AGAP1: variants seen among roughly 807,000 people sequenced by gnomAD.
AGAP1 encodes the protein ArfGAP with GTPase domain, ankyrin repeat and PH domain 1.
In AGAP1, 29 loss-of-function variants were observed where a neutral mutation model predicts 105.3. The ratio of observed to expected loss-of-function variants is 0.28; its 90% CI spans 0.21 to 0.38. AGAP1 has a LOEUF of 0.38. AGAP1 is among the 10% of genes least tolerant of loss of function. The pLI is 1.00. For missense variants in AGAP1, 998 were observed against 1,165.1 expected (o/e 0.86, Z 2.09); for synonymous variants, 509 against 485.9 (o/e 1.05, Z -0.63).
At chr2:235,898,861 A>G (rs2050931318) in intron 10 of AGAP1, among the ~76,000 whole-genome samples, 1 of 152,192 alleles carries the variant, frequency 6.6e-6, no homozygotes, top group Non-Finnish European at 1.5e-5. Context: ...ACCAAGAGAA[A>G]GTCAACTTTT....
At chr2:236,102,417 CAAA>C (rs34989933) in intron 16 of AGAP1, among the ~76,000 whole-genome samples, 30 of 66,236 alleles carry the variant, frequency 4.5e-4, no homozygotes, top group Admixed American at 1.0e-3. Context: ...GACTCCATCT[CAAA>C]AAAAAAAAAA....
intron 2 of AGAP1, among the ~76,000 whole-genome samples, chr2:235,713,065 G>A (rs1413388856): frequency 6.6e-6 from 1 of 152,176 alleles, no homozygotes; most frequent in African/African-American, 2.4e-5. Flanking sequence ...GGAGAACTTA[G>A]GGGAGAGCTT....
At chr2:235,985,041 A>G (rs2055254468) in intron 13 of AGAP1, among the ~76,000 whole-genome samples, 1 of 152,202 alleles carries the variant, frequency 6.6e-6, no homozygotes, top group African/African-American at 2.4e-5. Flanking sequence ...GTCTTCCGCA[A>G]TGGTTGAACT....
rs886529527 is a variant in AGAP1 at position 235,957,715 on chromosome 2, G to A, written c.1484-10747G>A. On this transcript the variant is annotated intron_variant, in intron 12 of 17. Transcript: ENST00000304032. This position sits in a 1 kb window ranked among gnomAD's most constrained non-coding sequence, Gnocchi z 4.6. The stretch of plus-strand genomic sequence containing the variant: ...TTTATTTACCGGCCTACACATCTCT[G>A]TAAGCTTCAGAAAGAACAGAGCCCT... Among the ~76,000 whole-genome samples, 21 of 152,146 alleles carry A rather than the reference G, an allele frequency of 1.4e-4. No individual in the cohort carries two copies. Among genetic ancestry groups the A allele is most frequent in the African/African-American group, 5.1e-4 (21 of 41,426 alleles).
Position 236,129,831 on chromosome 2 carries a change from A to G in AGAP1, c.*5709A>G, listed in dbSNP as rs1393125657. On this transcript the variant is annotated 3_prime_UTR_variant, in exon 18 of 18. Transcript: ENST00000304032. The surrounding 1 kb of genome is among the most constrained non-coding windows in gnomAD (Gnocchi z 6.2). ...TTTTTAAATCTTTGAGTTGTATGAGAAAGTATTTAAGTTCACCAGTGTAGT... is the reference window on the plus strand; with the variant it reads ...TTTTTAAATCTTTGAGTTGTATGAGGAAGTATTTAAGTTCACCAGTGTAGT... 6.6e-6 allele frequency: 1 copy of G among 152,160 alleles called. No homozygotes were observed. The highest frequency in any genetic ancestry group is 2.4e-5 in the African/African-American group (1 of 41,432). The allele number at this position is 152,160 out of a possible 1,614,324, so 9.4% of individuals were successfully genotyped here.
At chr2:235,756,184 C>T (rs77711722) in intron 6 of AGAP1, among the ~76,000 whole-genome samples, 21 of 152,272 alleles carry the variant, frequency 1.4e-4, no homozygotes, top group African/African-American at 4.3e-4. Flanking sequence ...TTGAGTTTCT[C>T]GTCTTCCTGA....
intron 1 of AGAP1, among the ~76,000 whole-genome samples, chr2:235,676,151 A>G (rs532369365): frequency 3.9e-5 from 6 of 152,336 alleles, no homozygotes; most frequent in African/African-American, 1.4e-4. Context: ...GGTCAGTAGC[A>G]TACTGGAGGA....
chr2:235,591,106 T>A (rs1945324908), intron 1 of AGAP1, among the ~76,000 whole-genome samples: 1 of 151,468 alleles, frequency 6.6e-6, no homozygotes, highest in Non-Finnish European at 1.5e-5. Flanking sequence ...ACCTCTGCCT[T>A]CCGGGTTCAA....
At position 235,889,546 on chromosome 2, in the gene AGAP1, C is replaced by CTTTTTT. The variant is rs5839611; in HGVS notation, c.1155+6108_1155+6113dup. Reference sequence around the variant, plus strand: ...CGTCATCCCCCAAAAGTGTCTTTGCCTTTTTTTTTTTTTTTTAGCCCTGAG... The same window carrying CTTTTTT: ...CGTCATCCCCCAAAAGTGTCTTTGCCTTTTTTTTTTTTTTTTTTTTTTAGCCCTGAG... On this transcript the variant is annotated intron_variant, in intron 10 of 17. Transcript: ENST00000304032. This position sits in a 1 kb window ranked among gnomAD's most constrained non-coding sequence, Gnocchi z 4.6. Among the ~76,000 whole-genome samples, 1 of 140,978 alleles carries CTTTTTT rather than the reference C, an allele frequency of 7.1e-6. No individual in the cohort carries two copies. Among genetic ancestry groups the CTTTTTT allele is most frequent in the Non-Finnish European group, 1.5e-5 (1 of 64,846 alleles). 92.5% of individuals were successfully genotyped at this position (140,978 alleles called of 152,430 possible).
At chr2:235,703,100 A>G (rs746308653) in intron 1 of AGAP1, among the ~76,000 whole-genome samples, 16 of 151,208 alleles carry the variant, frequency 1.1e-4, no homozygotes, top group Non-Finnish European at 1.5e-4. Flanking sequence ...GCTAGTTTTT[A>G]TATTTTTAGT....
Position 236,096,831 on chromosome 2 carries a change from C to T in AGAP1, c.2115-23361C>T, listed in dbSNP as rs146824401. ...GCTCCCAACCTCAAGTGATTCACCCCGGCCTCCCAAAGTGCTGGGATTACA... is the reference window on the plus strand; with the variant it reads ...GCTCCCAACCTCAAGTGATTCACCCTGGCCTCCCAAAGTGCTGGGATTACA... On this transcript the variant is annotated intron_variant, in intron 16 of 17. Coordinates refer to ENST00000304032, the MANE Select transcript of AGAP1 (RefSeq NM_001037131.3). The surrounding 1 kb of genome is among the most constrained non-coding windows in gnomAD (Gnocchi z 4.4). 1.7e-3 allele frequency among the ~76,000 whole-genome samples: 265 copies of T among 152,166 alleles called. 2 individuals are homozygous for T. Among genetic ancestry groups the T allele is most frequent in the African/African-American group, 6.2e-3 (256 of 41,536 alleles).
At chr2:235,804,675 A>C (rs1957750813) in intron 8 of AGAP1, among the ~76,000 whole-genome samples, 1 of 152,210 alleles carries the variant, frequency 6.6e-6, no homozygotes, top group South Asian at 2.1e-4. Flanking sequence ...TTTTGTAAAG[A>C]AGCAGGTGAT....
rs1049345070 is a variant in AGAP1, at chr2:235,671,573, C to T, written c.164-37606C>T. ...TGGACTCAGCTGACTCCGTGGCCCT[C>T]GGTATTGAGCTGGCTGTAAGGACAC... On this transcript the variant is annotated intron_variant, in intron 1 of 17. Coordinates refer to ENST00000304032, the MANE Select transcript of AGAP1 (RefSeq NM_001037131.3). Among the ~76,000 whole-genome samples, 3 of 152,284 alleles carry T rather than the reference C, an allele frequency of 2.0e-5. 1 individual carries two copies. The highest frequency in any genetic ancestry group is 2.0e-4 in the Admixed American group (3 of 15,300).
chr2:235,636,807 G>A (rs1444117822), intron 1 of AGAP1, among the ~76,000 whole-genome samples: 1 of 152,172 alleles, frequency 6.6e-6, no homozygotes, highest in African/African-American at 2.4e-5. Context: ...TCATGCCAGA[G>A]TGGGGTGGGC....
At chr2:235,673,239 C>T (rs1280910882) in intron 1 of AGAP1, among the ~76,000 whole-genome samples, 2 of 152,166 alleles carry the variant, frequency 1.3e-5, no homozygotes, top group Non-Finnish European at 1.5e-5. Flanking sequence ...TACATTTTTC[C>T]AGTCTTTACA....
chr2:235,709,282 C>T (rs748726563), intron 2 of AGAP1, 45 bp downstream of exon 2: 9 of 1,591,880 alleles, frequency 5.7e-6, no homozygotes, highest in Non-Finnish European at 6.9e-6. Flanking sequence ...AAGGGAGGGG[C>T]TCTGTGCACA....
intron 9 of AGAP1, chr2:235,852,612 ATAAT>A: frequency 7.7e-7 from 1 of 1,302,104 alleles, no homozygotes; most frequent in South Asian, 2.2e-5. Flanking sequence ...AATTGAGTTT[ATAAT>A]TAATTAGCCA....
intron 16 of AGAP1, among the ~76,000 whole-genome samples, chr2:236,059,694 G>C (rs1322464511): frequency 6.6e-6 from 1 of 152,172 alleles, no homozygotes; most frequent in East Asian, 1.9e-4. Flanking sequence ...TTCCAAAAAA[G>C]ATGCCAAGAC....
chr2:235,978,055 G>T (rs2054933252), intron 13 of AGAP1, among the ~76,000 whole-genome samples: 2 of 152,132 alleles, frequency 1.3e-5, no homozygotes, highest in South Asian at 4.1e-4. Context: ...CACAGAGAGA[G>T]AAGCTCTTCT....
Sources: gnomAD v4.1 joint callset for allele counts (sites outside exome capture counted in the v4.1 genomes callset) on GRCh38, gnomAD v4.1.1 for gene constraint, Gnocchi (gnomAD v3.1) non-coding constraint, MANE v1.5 for transcripts, NCBI Gene and HGNC (gene_info 2026-07-23, HGNC 2026-07-21) for gene names.